Variants in PFKFB3 observed in about 807,000 individuals in gnomAD.
PFKFB3 encodes the protein 6-phosphofructo-2-kinase/fructose-2,6-bisphosphatase 3.
In PFKFB3, 33 loss-of-function variants were observed where a neutral mutation model predicts 68.0. The ratio of observed to expected loss-of-function variants is 0.49; its 90% CI spans 0.37 to 0.65. The LOEUF (loss-of-function observed/expected upper bound fraction) is 0.65. Ranked by LOEUF, PFKFB3 falls within the 30% of genes least tolerant of loss-of-function variation. The pLI, the probability that PFKFB3 is intolerant of heterozygous loss-of-function variation, is 0.00. For synonymous variants in PFKFB3, 315 were observed against 288.2 expected, an observed-to-expected ratio of 1.09 and a Z score of -0.94; for missense variants, 586 against 712.2, an observed-to-expected ratio of 0.82 and a Z score of 2.02.
At chr10:6,272,522 G>A in the PFKFB3 span, among the ~76,000 whole-genome samples, 5 of 151,988 alleles carry the variant, frequency 3.3e-5, no homozygotes, top group African/African-American at 7.3e-5. Flanking sequence ...GGTGAACCCC[G>A]TCTCTACTAA....
the PFKFB3 span, among the ~76,000 whole-genome samples, chr10:6,295,113 T>C: frequency 6.6e-6 from 1 of 152,226 alleles, no homozygotes; most frequent in Non-Finnish European, 1.5e-5. Context: ...TTGCTGTAGC[T>C]GTAGTGTCAC....
chr10:6,216,673 G>A (rs762793870), intron 4 of PFKFB3, 33 bp from the exon 5 acceptor site: 1 of 1,455,576 alleles, frequency 6.9e-7, no homozygotes. Flanking sequence ...CAAACTTAGA[G>A]TTTTCTTCCT....
chr10:6,182,289 C>T (rs1156659431), intron 1 of PFKFB3, among the ~76,000 whole-genome samples: 1 of 152,080 alleles, frequency 6.6e-6, no homozygotes, highest in Non-Finnish European at 1.5e-5. Flanking sequence ...GAAGCACGCA[C>T]ACACACACCC....
At chr10:6,288,455 T>G in the PFKFB3 span, among the ~76,000 whole-genome samples, 1 of 150,556 alleles carries the variant, frequency 6.6e-6, no homozygotes, top group African/African-American at 2.4e-5. Flanking sequence ...CACGCGGTGT[T>G]TGGTTTTTTG....
the PFKFB3 span, among the ~76,000 whole-genome samples, chr10:6,261,367 G>A: frequency 9.7e-4 from 147 of 152,314 alleles, no homozygotes; most frequent in African/African-American, 3.3e-3. Context: ...ATGAGATCAT[G>A]TCTTTTGCAG....
intron 1 of PFKFB3, among the ~76,000 whole-genome samples, chr10:6,148,440 C>G (rs1841467472): frequency 6.6e-6 from 1 of 152,192 alleles, no homozygotes; most frequent in Non-Finnish European, 1.5e-5. Context: ...GTCCCCTATG[C>G]TCAGCGTGAG....
At chr10:6,316,690 C>A in the PFKFB3 span, among the ~76,000 whole-genome samples, 1 of 152,114 alleles carries the variant, frequency 6.6e-6, no homozygotes, top group Non-Finnish European at 1.5e-5. Flanking sequence ...GTTGGCCAGG[C>A]TGGTCTTGAA....
At chr10:6,262,025 A>AAG in the PFKFB3 span, among the ~76,000 whole-genome samples, 18 of 150,356 alleles carry the variant, frequency 1.2e-4, no homozygotes, top group Admixed American at 1.2e-3. Flanking sequence ...AAAACAAAAA[A>AAG]AAAAACACAA....
chr10:6,299,267 CGAA>C, the PFKFB3 span, among the ~76,000 whole-genome samples: 1 of 152,142 alleles, frequency 6.6e-6, no homozygotes, highest in African/African-American at 2.4e-5. Flanking sequence ...CTGCTCTAGA[CGAA>C]CCAGCTTCTA....
intron 1 of PFKFB3, among the ~76,000 whole-genome samples, chr10:6,169,012 A>C (rs1842224197): frequency 1.1e-5 from 1 of 91,386 alleles, no homozygotes; most frequent in Non-Finnish European, 2.7e-5. Context: ...GCTGGAGTGC[A>C]CTGGTCACTG....
chr10:6,230,912 C>G (rs976012394), intron 14 of PFKFB3, among the ~76,000 whole-genome samples: 15 of 152,238 alleles, frequency 9.9e-5, no homozygotes, highest in African/African-American at 2.9e-4. Context: ...GATGGGGTTT[C>G]ACCATGTTGG....
the PFKFB3 span, among the ~76,000 whole-genome samples, chr10:6,278,237 GA>G: frequency 1.3e-4 from 20 of 150,774 alleles, no homozygotes; most frequent in Non-Finnish European, 2.4e-4. Context: ...TTTTATTAGT[GA>G]GTGGTATTCT....
At chr10:6,259,584 A>ATCCG (rs1157318639), downstream of PFKFB3, among the ~76,000 whole-genome samples, 1 of 136,326 alleles carries the variant, frequency 7.3e-6, no homozygotes, top group Non-Finnish European at 1.5e-5. Context: ...CCATCCACTC[A>ATCCG]TCCATCCATC....
chr10:6,310,626 C>A, the PFKFB3 span, among the ~76,000 whole-genome samples: 1 of 152,270 alleles, frequency 6.6e-6, no homozygotes, highest in African/African-American at 2.4e-5. Context: ...TCTACTCTAC[C>A]ACAATTTTAT....
At chr10:6,194,603 T>C (rs753158465) in intron 1 of PFKFB3, among the ~76,000 whole-genome samples, 1 of 152,216 alleles carries the variant, frequency 6.6e-6, no homozygotes. Flanking sequence ...AATGTCTTTC[T>C]AGCCAGTAGC....
At chr10:6,226,571 T>TCCGAAGTTAAGATCCTGGGGGCTTTC in intron 14 of PFKFB3, 1 of 563,086 alleles carries the variant, frequency 1.8e-6, no homozygotes, top group Non-Finnish European at 3.1e-6. Context: ...GGAAGCACCC[T>TCCGAAGTTAAGATCCTGGGGGCTTTC]CCGAAGTTAA....
At chr10:6,147,037 C>T (rs531062789) in intron 1 of PFKFB3, among the ~76,000 whole-genome samples, 1 of 152,328 alleles carries the variant, frequency 6.6e-6, no homozygotes, top group South Asian at 2.1e-4. Flanking sequence ...CGAGGCAGAG[C>T]TTCCCCAGTT....
At chr10:6,182,923 A>G (rs1232639404) in intron 1 of PFKFB3, among the ~76,000 whole-genome samples, 2 of 152,180 alleles carry the variant, frequency 1.3e-5, no homozygotes, top group South Asian at 2.1e-4. Context: ...GTCAGCTGGA[A>G]GGACTATGGG....
intron 1 of PFKFB3, among the ~76,000 whole-genome samples, chr10:6,145,891 C>T (rs1841374139): frequency 6.6e-6 from 1 of 152,224 alleles, no homozygotes; most frequent in Non-Finnish European, 1.5e-5. Flanking sequence ...GTTTACAGGC[C>T]GGGTGGTTGG....
Sources: gnomAD v4.1 joint callset for allele counts (sites outside exome capture counted in the v4.1 genomes callset) on GRCh38, gnomAD v4.1.1 for gene constraint, MANE v1.5 for transcripts, NCBI Gene and HGNC (gene_info 2026-07-23, HGNC 2026-07-21) for gene names.